The following PCDHGA3 variants were observed in gnomAD, a reference collection of about 807,000 sequenced individuals.
PCDHGA3 encodes the protein protocadherin gamma-A3.
In PCDHGA3, 40 loss-of-function variants were observed where a neutral mutation model predicts 58.5. That is an observed-to-expected ratio of 0.68 (90% CI 0.53 to 0.89). The LOEUF is 0.89. PCDHGA3 is among the 40% of genes least tolerant of loss of function. The pLI is 0.00. For missense variants in PCDHGA3, 1,223 were observed against 1,195.9 expected, an observed-to-expected ratio of 1.02 and a Z score of -0.33; for synonymous variants, 530 against 525.7, an observed-to-expected ratio of 1.01 and a Z score of -0.11.
chr5:141,399,620 CCTCTT>C (rs1251716471), intron 1 of PCDHGA3: 1 of 1,613,940 alleles, frequency 6.2e-7, no homozygotes, highest in Non-Finnish European at 8.5e-7. Context: ...CTGGCACTGG[CCTCTT>C]ACGTGTCCAT....
rs565813908 is a variant in PCDHGA3 at position 141,503,968 on chromosome 5, G to A, written c.2484-1425G>A. Among the ~76,000 whole-genome samples, 14 of 152,182 alleles carry A rather than the reference G, an allele frequency of 9.2e-5. No homozygotes were observed. The South Asian group carries it at 2.7e-3, about 29-fold the overall frequency. ...GGCCTACCCTACAGCCTTTCCCATG[G>A]TGCCAAACCCTTCTTCTTACCTTAC... On this transcript the variant is annotated intron_variant, in intron 2 of 3. Transcript: ENST00000253812.
chr5:141,366,343 C>T, intron 1 of PCDHGA3: 2 of 1,613,936 alleles, frequency 1.2e-6, no homozygotes, highest in Non-Finnish European at 1.7e-6. Context: ...TCCCTGACAT[C>T]CTGGCTGACC....
intron 1 of PCDHGA3, chr5:141,370,170 C>G (rs1188782749): frequency 2.2e-6 from 1 of 459,536 alleles, no homozygotes; most frequent in Non-Finnish European, 3.8e-6. Flanking sequence ...AGCAGAGGCG[C>G]CGGGTGCCGC....
chr5:141,354,739 T>G (rs1409989426), intron 1 of PCDHGA3, among the ~76,000 whole-genome samples: 1 of 152,248 alleles, frequency 6.6e-6, no homozygotes, highest in East Asian at 1.9e-4. Flanking sequence ...ATGTGAAAAC[T>G]GAAAAGAGGA....
At chr5:141,453,871 A>T (rs561367146) in intron 1 of PCDHGA3, among the ~76,000 whole-genome samples, 8 of 152,364 alleles carry the variant, frequency 5.3e-5, no homozygotes, top group African/African-American at 1.9e-4. Flanking sequence ...ACAGATGAGC[A>T]AAATAATGTG....
chr5:141,390,152 TAC>T, intron 1 of PCDHGA3: 2 of 1,614,054 alleles, frequency 1.2e-6, no homozygotes, highest in Non-Finnish European at 1.7e-6. Flanking sequence ...GTGTTGCACA[TAC>T]AGGAAAGACG....
intron 1 of PCDHGA3, among the ~76,000 whole-genome samples, chr5:141,436,884 G>T (rs1041906146): frequency 6.6e-6 from 1 of 152,190 alleles, no homozygotes; most frequent in Non-Finnish European, 1.5e-5. Context: ...AAAAGATGGG[G>T]GAAAGATTTT....
At chr5:141,415,445 A>G (rs1225407576) in intron 1 of PCDHGA3, 7 of 1,614,202 alleles carry the variant, frequency 4.3e-6, no homozygotes, top group South Asian at 1.1e-5. Flanking sequence ...CTGCAGACCT[A>G]TTCCCACGAG....
chr5:141,370,817 A>C, intron 1 of PCDHGA3: 1 of 1,614,046 alleles, frequency 6.2e-7, no homozygotes, highest in Non-Finnish European at 8.5e-7. Context: ...CTGAGCTGGA[A>C]ATCAGCGAAC....
At chr5:141,393,754 T>G in intron 1 of PCDHGA3, 1 of 1,613,892 alleles carries the variant, frequency 6.2e-7, no homozygotes, top group Non-Finnish European at 8.5e-7. Flanking sequence ...GAATGTTCAT[T>G]TTATGAAATG....
intron 2 of PCDHGA3, among the ~76,000 whole-genome samples, chr5:141,500,182 A>T (rs1050067271): frequency 4.6e-5 from 6 of 131,718 alleles, no homozygotes; most frequent in African/African-American, 1.9e-4. Context: ...CTTCATTTTT[A>T]TTTTTATTTA....
intron 1 of PCDHGA3, among the ~76,000 whole-genome samples, chr5:141,397,268 T>C (rs532503951): frequency 2.0e-5 from 3 of 152,180 alleles, no homozygotes; most frequent in African/African-American, 7.2e-5. Flanking sequence ...CTTAGCTACA[T>C]CATATGGGCA....
At chr5:141,384,479 A>T (rs1457273587) in intron 1 of PCDHGA3, 2 of 1,614,064 alleles carry the variant, frequency 1.2e-6, no homozygotes, top group South Asian at 2.2e-5. Context: ...CAGTTGAGAG[A>T]ACTACAACTA....
In PCDHGA3 at chr5:141,409,552, A is replaced by C. The variant is rs777125488; in HGVS notation, c.2424+63095A>C. On this transcript the variant is annotated intron_variant, in intron 1 of 3. Transcript: ENST00000253812. ...TCGCTGACATCAACGACAACGCCCC[A>C]GTTTTCGACCAGACGTCCTACGTGG... 9 of 1,613,844 alleles carry C rather than the reference A, an allele frequency of 5.6e-6. No homozygotes were observed. The East Asian group carries it at 1.1e-4, about 20-fold the overall frequency.
At chr5:141,346,884 T>C (rs932836249) in intron 1 of PCDHGA3, among the ~76,000 whole-genome samples, 1 of 152,258 alleles carries the variant, frequency 6.6e-6, no homozygotes, top group Non-Finnish European at 1.5e-5. Flanking sequence ...CCAACCTGTA[T>C]AGCTTATCCT....
chr5:141,432,117 C>T lies in PCDHGA3; in HGVS notation c.2425-62690C>T, dbSNP rs761106133. The T allele has an allele frequency of 3.9e-5, 63 of 1,614,062 alleles. No individual in the cohort carries two copies. Among genetic ancestry groups the T allele is most frequent in the Non-Finnish European group, 4.2e-5 (50 of 1,180,048 alleles). On this transcript the variant is annotated intron_variant, in intron 1 of 3. Transcript: ENST00000253812. The surrounding 1 kb of genome is among the most constrained non-coding windows in gnomAD (Gnocchi z 6.0). ...ACCAACGACAACCCGCCGGTCTTCC[C>T]TCAGGCCTCCTATTCCGCTTATATC...
chr5:141,364,653 T>C, intron 1 of PCDHGA3: 1 of 1,614,052 alleles, frequency 6.2e-7, no homozygotes, highest in Non-Finnish European at 8.5e-7. Context: ...AACTTTAACA[T>C]CTTGGTTGAG....
At chr5:141,364,703 G>C (rs1281129906) in intron 1 of PCDHGA3, 1 of 1,613,930 alleles carries the variant, frequency 6.2e-7, no homozygotes, top group East Asian at 2.2e-5. Context: ...AGAAATAATC[G>C]ATATTAATGA....
intron 1 of PCDHGA3, among the ~76,000 whole-genome samples, chr5:141,488,190 G>A (rs1162264945): frequency 1.3e-5 from 2 of 152,164 alleles, no homozygotes; most frequent in African/African-American, 4.8e-5. Flanking sequence ...CTTTTGGTCT[G>A]GGTCTTAGGA....
Sources: gnomAD v4.1 joint callset for allele counts (sites outside exome capture counted in the v4.1 genomes callset) on GRCh38, gnomAD v4.1.1 for gene constraint, Gnocchi (gnomAD v3.1) non-coding constraint, MANE v1.5 for transcripts, NCBI Gene and HGNC (gene_info 2026-07-23, HGNC 2026-07-21) for gene names.